NPHP3: variants seen among roughly 807,000 people sequenced by gnomAD.
NPHP3 encodes the protein nephrocystin 3, also known as nephrocystin-3.
A neutral mutation model predicts 171.9 loss-of-function variants in NPHP3; 123 were observed. The observed-to-expected ratio is 0.72, with a 90% CI of 0.62 to 0.83. The LOEUF is 0.83. Among genes scored for constraint, NPHP3 ranks in the 40% least tolerant of loss-of-function variants. NPHP3 has a pLI of 0.00. For missense variants in NPHP3, 1,506 were observed against 1,591.9 expected, an observed-to-expected ratio of 0.95 and a Z score of 0.92; for synonymous variants, 558 against 579.2, an observed-to-expected ratio of 0.96 and a Z score of 0.52.
chr3:132,691,147 T>C lies in NPHP3; in HGVS notation c.2570+45A>G, dbSNP rs140846410. ...AACAGAAATAAGGACACAAAGGTAG[T>C]GTGTTGCAGAAGTTACAGAAGAACA... On this transcript the variant is annotated intron_variant, in intron 18 of 26. Coordinates refer to ENST00000337331, the MANE Select transcript of NPHP3 (RefSeq NM_153240.5). 1,307 of 1,312,502 alleles carry C rather than the reference T, an allele frequency of 1.0e-3. 4 individuals carry two copies. Among genetic ancestry groups the C allele is most frequent in the South Asian group, 2.7e-3 (234 of 85,098 alleles). 81.3% of individuals were successfully genotyped at this position (1,312,502 alleles called of 1,614,324 possible). A position where few individuals can be genotyped will look rare whatever the true frequency, so the allele number is the denominator to read the frequency against.
rs567909671 is a variant in NPHP3, at chr3:132,716,740, C to G, written c.823+17G>C. On this transcript the variant is annotated intron_variant, in intron 4 of 26. Coordinates refer to ENST00000337331, the MANE Select transcript of NPHP3 (RefSeq NM_153240.5). ...TCACTACCACTAGGCAAGTAATTGACAAACAGCATGTATTACCTCTATTAA... is the reference window on the plus strand; with the variant it reads ...TCACTACCACTAGGCAAGTAATTGAGAAACAGCATGTATTACCTCTATTAA... 5.6e-6 allele frequency: 9 copies of G among 1,613,290 alleles called. No individual in the cohort carries two copies. Among genetic ancestry groups the G allele is most frequent in the Non-Finnish European group, 6.8e-6 (8 of 1,179,536 alleles).
intron 1 of NPHP3, 160 bp downstream of exon 1, chr3:132,721,803 G>C: frequency 1.1e-6 from 1 of 943,732 alleles, no homozygotes; most frequent in Non-Finnish European, 1.6e-6. Flanking sequence ...ACAGAAAAAG[G>C]GGAGGGTTAA....
intron 6 of NPHP3, among the ~76,000 whole-genome samples, chr3:132,711,254 C>A (rs1939901787): frequency 6.6e-6 from 1 of 151,840 alleles, no homozygotes; most frequent in Non-Finnish European, 1.5e-5. Flanking sequence ...TCTTGACAGG[C>A]ATGAAAGAAA....
chr3:132,697,151 CCA>C, intron 14 of NPHP3, 107 bp downstream of exon 14: 1 of 805,436 alleles, frequency 1.2e-6, no homozygotes, highest in Non-Finnish European at 2.1e-6. Context: ...TTACTAAACT[CCA>C]GTTTTCCTTA....
chr3:132,684,622 C>T lies in NPHP3; in HGVS notation c.3502G>A (p.Ala1168Thr), dbSNP rs756522264. The T allele has an allele frequency of 1.3e-5, 21 of 1,614,022 alleles. No homozygotes were observed. Among genetic ancestry groups the T allele is most frequent in the East Asian group, 2.2e-5 (1 of 44,876 alleles). The change falls in exon 24 of 27, where the codon GCA (alanine) becomes ACA (threonine). Residue 1168 changes from alanine to threonine, a missense_variant. Transcript: ENST00000337331. ...YERALDIRRR[A>T]LAPDHPSLAY... ...AAAGAAGGGTGATCAGGAGCTAATG[C>T]ACGTCTCCGAATATCTAAAGCTCTT...
chr3:132,721,947 C>A lies in NPHP3; in HGVS notation c.393+16G>T, dbSNP rs753001887. On this transcript the variant is annotated intron_variant, in intron 1 of 26. Transcript: ENST00000337331. ...TCCCAAGGGTCTCCCGGCGTCGCGG[C>A]CCAGCCCGGCGTTACCTGCAGTTCG... The A allele has an allele frequency of 3.7e-6, 6 of 1,611,190 alleles. No homozygotes were observed. The East Asian group carries it at 1.1e-4, about 30-fold the overall frequency.
At chr3:132,687,717 A>C (rs946920660) in intron 21 of NPHP3, among the ~76,000 whole-genome samples, 2 of 152,248 alleles carry the variant, frequency 1.3e-5, no homozygotes, top group East Asian at 3.8e-4. Context: ...CTATAAGTTA[A>C]AAAATTCCAT....
At chr3:132,687,308 G>C (rs1939187440) in intron 21 of NPHP3, 82 bp from the exon 22 acceptor site, 1 of 684,376 alleles carries the variant, frequency 1.5e-6, no homozygotes, top group African/African-American at 1.8e-5. Flanking sequence ...TCTTTTCATA[G>C]TGTAAAGTCT....
At chr3:132,682,884 G>A in intron 25 of NPHP3, 66 bp from the exon 26 acceptor site, 1 of 965,870 alleles carries the variant, frequency 1.0e-6, no homozygotes, top group Admixed American at 1.7e-5. Context: ...TCTAGACTAA[G>A]CTAACCTACT....
chr3:132,697,110 A>C (rs1458017602), intron 14 of NPHP3, 150 bp downstream of exon 14: 3 of 691,072 alleles, frequency 4.3e-6, no homozygotes, highest in Non-Finnish European at 7.6e-6. Context: ...ACCTGTCATT[A>C]GTTTAAGAGG....
intron 16 of NPHP3, chr3:132,693,043 T>G: frequency 2.0e-6 from 1 of 506,440 alleles, no homozygotes. Context: ...AAGATAACAC[T>G]CTTACAGAAA....
In NPHP3 at chr3:132,688,692, C is replaced by T. The variant is rs200722938; in HGVS notation, c.3083G>A (p.Arg1028His). The T allele has an allele frequency of 4.3e-6, 7 of 1,614,054 alleles. No individual in the cohort carries two copies. The highest frequency in any genetic ancestry group is 1.3e-5 in the African/African-American group (1 of 75,012). The change falls in exon 21 of 27, where the codon CGT becomes CAT. Residue 1028 changes from arginine to histidine, a missense_variant. Coordinates refer to ENST00000337331, the MANE Select transcript of NPHP3 (RefSeq NM_153240.5). Reference sequence around the variant, plus strand: ...CAAAGTTGCAAGTGCTTCAAGTTCACGAGCAGTATATGGATGGTCCGCACC... The same window carrying T: ...CAAAGTTGCAAGTGCTTCAAGTTCATGAGCAGTATATGGATGGTCCGCACC... ...AYGADHPYTA[R>H]ELEALATLYQ...
chr3:132,697,440 C>T, intron 13 of NPHP3, 78 bp from the exon 14 acceptor site: 3 of 944,366 alleles, frequency 3.2e-6, no homozygotes, highest in South Asian at 1.4e-5. Flanking sequence ...AATTTAAAAT[C>T]CACCACAGGA....
intron 17 of NPHP3, 25 bp downstream of exon 17, chr3:132,692,629 A>T: frequency 6.2e-7 from 1 of 1,606,786 alleles, no homozygotes; most frequent in Non-Finnish European, 8.5e-7. Context: ...ATAAATAAAT[A>T]AAAAGATGCC....
In NPHP3 at chr3:132,701,424, T is replaced by A. The variant is rs1410585481; in HGVS notation, c.1628+6A>T. The A allele has an allele frequency of 1.9e-6, 3 of 1,561,264 alleles. No homozygotes were observed. The highest frequency in any genetic ancestry group is 2.7e-6 in the Non-Finnish European group (3 of 1,131,940). On this transcript the variant is annotated splice_donor_region_variant and intron_variant, in intron 10 of 26. Coordinates refer to ENST00000337331, the MANE Select transcript of NPHP3 (RefSeq NM_153240.5). The stretch of plus-strand genomic sequence containing the variant: ...ACAACAATAATTTAATTGCACTGCA[T>A]CATACCACTTTGATAAAAGAAGAGA...
chr3:132,719,114 G>C lies in NPHP3; in HGVS notation c.550C>G (p.Gln184Glu). Residue 184 changes from glutamine (Q) to glutamate (E), a missense_variant, in exon 3 of 27, where the codon CAG becomes GAG. Transcript: ENST00000337331. ...TCCCTCTTGGCCCTCAGTAAGTCCT[G>C]AATTTCATTTTCTTTGGTCTCCCTA... is the stretch of plus-strand genomic sequence containing the variant. ...IFRETKENEIQDLLRAKRELE... is the reference protein window; with the variant it reads ...IFRETKENEIEDLLRAKRELE... 6.2e-7 allele frequency: 1 copy of C among 1,612,510 alleles called. No individual in the cohort carries two copies. The highest frequency in any genetic ancestry group is 8.5e-7 in the Non-Finnish European group (1 of 1,179,332).
At chr3:132,695,603 G>A (rs1184226036) in intron 15 of NPHP3, among the ~76,000 whole-genome samples, 1 of 152,146 alleles carries the variant, frequency 6.6e-6, no homozygotes, top group African/African-American at 2.4e-5. Flanking sequence ...GAGGCCAGAT[G>A]TGTTGCTACA....
intron 23 of NPHP3, chr3:132,685,744 T>C (rs1265344961): frequency 6.4e-6 from 1 of 156,652 alleles, no homozygotes; most frequent in Non-Finnish European, 1.4e-5. Context: ...AGCTACAGAA[T>C]AACTTTTCAG....
intron 3 of NPHP3, 60 bp downstream of exon 3, chr3:132,718,934 G>T: frequency 1.9e-6 from 3 of 1,539,820 alleles, no homozygotes; most frequent in Non-Finnish European, 2.7e-6. Context: ...TTCAAAGTTG[G>T]CTCTACATGT....
Sources: allele counts gnomAD v4.1 joint callset (sites outside exome capture counted in the v4.1 genomes callset), GRCh38; gene constraint gnomAD v4.1.1; transcripts MANE v1.5; gene names NCBI Gene and HGNC (gene_info 2026-07-23, HGNC 2026-07-21).